ROR1: variants seen among roughly 807,000 people sequenced by gnomAD.
The protein encoded by ROR1 is inactive tyrosine-protein kinase transmembrane receptor ROR1.
Under a neutral mutation model 78.8 loss-of-function variants are expected in ROR1, and 19 were observed. The observed-to-expected ratio is 0.24, with a 90% CI of 0.17 to 0.35. The LOEUF is 0.35. Ranked by LOEUF, ROR1 falls within the 10% of genes least tolerant of loss-of-function variation. ROR1 has a pLI of 1.00. For missense variants in ROR1, 917 were observed against 1,177.8 expected, an observed-to-expected ratio of 0.78 and a Z score of 3.24; for synonymous variants, 386 against 433.6, an observed-to-expected ratio of 0.89 and a Z score of 1.36.
chr1:63,812,687 A>C (rs544460263), intron 1 of ROR1, among the ~76,000 whole-genome samples: 1 of 152,348 alleles, frequency 6.6e-6, no homozygotes, highest in African/African-American at 2.4e-5. Context: ...ATTATTTCCC[A>C]TAATATAACT....
chr1:64,072,367 A>G (rs1278271548), intron 4 of ROR1, among the ~76,000 whole-genome samples: 1 of 152,134 alleles, frequency 6.6e-6, no homozygotes, highest in Non-Finnish European at 1.5e-5. Context: ...AGAGGAAAGA[A>G]GAACTCTGGT....
chr1:63,888,999 G>A (rs1217805742), intron 1 of ROR1, among the ~76,000 whole-genome samples: 3 of 152,104 alleles, frequency 2.0e-5, no homozygotes, highest in Non-Finnish European at 2.9e-5. Flanking sequence ...TGAGATTGCC[G>A]TCATGCTGTC....
rs187106325 is a variant in ROR1, at chr1:63,991,036, A to G, written c.92-18269A>G. ...TGGGTTCAAGTGATCCTCCTGCCTC[A>G]GGCTCCTGAATAGCTTGGACCACAG... On this transcript the variant is annotated intron_variant, in intron 1 of 8. Transcript: ENST00000371079. Among the ~76,000 whole-genome samples the G allele has an allele frequency of 4.6e-5, 7 of 152,314 alleles. No individual in the cohort carries two copies. The East Asian group carries it at 1.3e-3, about 29-fold the overall frequency.
intron 1 of ROR1, among the ~76,000 whole-genome samples, chr1:63,983,342 C>G (rs973886017): frequency 3.9e-5 from 6 of 152,244 alleles, no homozygotes; most frequent in African/African-American, 1.4e-4. Flanking sequence ...AGCAAGTCCT[C>G]TGCCCTGGAT....
At chr1:63,874,556 T>A (rs1356794078) in intron 1 of ROR1, among the ~76,000 whole-genome samples, 1 of 152,128 alleles carries the variant, frequency 6.6e-6, no homozygotes, top group Non-Finnish European at 1.5e-5. Flanking sequence ...GGGAAAAGAA[T>A]TTCATTGATG....
intron 1 of ROR1, among the ~76,000 whole-genome samples, chr1:63,912,360 C>A (rs1445602656): frequency 2.0e-5 from 3 of 151,134 alleles, no homozygotes; most frequent in Non-Finnish European, 4.4e-5. Flanking sequence ...GGGTTTCATA[C>A]TCTATTGAGG....
rs376337301 is a variant in ROR1 at position 64,178,603 on chromosome 1, G to C, written c.2562G>C (p.Arg854=). The C allele has an allele frequency of 1.1e-5, 17 of 1,614,132 alleles. No homozygotes were observed. In the African/African-American group the frequency reaches 2.3e-4, roughly 22 times the overall value. The change falls in exon 9 of 9, where the codon CGG becomes CGC. Residue 854 remains arginine (R), a synonymous_variant. Coordinates refer to ENST00000371079, the MANE Select transcript of ROR1 (RefSeq NM_005012.4). The surrounding 1 kb of genome is among the most constrained non-coding windows in gnomAD (Gnocchi z 4.3). The part of the protein sequence containing the change: ...VIQHCPPPKS[R]SPSSASGSTS... Reference sequence around the variant, plus strand: ...AGCACTGCCCACCTCCCAAGAGTCGGTCCCCAAGCAGTGCCAGTGGGTCGA... The same window carrying C: ...AGCACTGCCCACCTCCCAAGAGTCGCTCCCCAAGCAGTGCCAGTGGGTCGA...
At chr1:63,917,728 G>A (rs747649673) in intron 1 of ROR1, among the ~76,000 whole-genome samples, 2 of 152,202 alleles carry the variant, frequency 1.3e-5, no homozygotes, top group Non-Finnish European at 2.9e-5. Context: ...CACGTGGGGA[G>A]AGCCCTGGCC....
At chr1:64,060,792 G>T (rs933457723) in intron 4 of ROR1, among the ~76,000 whole-genome samples, 1 of 152,192 alleles carries the variant, frequency 6.6e-6, no homozygotes, top group African/African-American at 2.4e-5. Context: ...GGAGAGATTA[G>T]ATAAGAAGGA....
chr1:63,976,037 T>G (rs754515633), intron 1 of ROR1, among the ~76,000 whole-genome samples: 2 of 152,222 alleles, frequency 1.3e-5, no homozygotes, highest in African/African-American at 2.4e-5. Flanking sequence ...AAACAAAGTC[T>G]ATGGTAGAGC....
chr1:63,905,306 T>A (rs1228325786), intron 1 of ROR1, among the ~76,000 whole-genome samples: 4 of 152,186 alleles, frequency 2.6e-5, no homozygotes, highest in Admixed American at 2.6e-4. Context: ...TACTCAGGGA[T>A]TTAAAGGTAT....
chr1:63,921,955 AG>A (rs1305409831), intron 1 of ROR1, among the ~76,000 whole-genome samples: 1 of 152,164 alleles, frequency 6.6e-6, no homozygotes, highest in Non-Finnish European at 1.5e-5. Context: ...GGCAGGAAAG[AG>A]GGGGTATCTC....
chr1:63,790,889 T>C (rs1644722271), intron 1 of ROR1, among the ~76,000 whole-genome samples: 1 of 152,214 alleles, frequency 6.6e-6, no homozygotes, highest in Admixed American at 6.5e-5. Flanking sequence ...GCCATCTGGA[T>C]GCAAAGATGG....
intron 4 of ROR1, among the ~76,000 whole-genome samples, chr1:64,052,994 T>A (rs1248226436): frequency 6.6e-6 from 1 of 152,104 alleles, no homozygotes; most frequent in African/African-American, 2.4e-5. Flanking sequence ...GGAGTAGCCC[T>A]CAATAGGCAG....
chr1:64,134,842 G>A (rs1649046577), intron 4 of ROR1, among the ~76,000 whole-genome samples: 1 of 149,822 alleles, frequency 6.7e-6, no homozygotes, highest in Admixed American at 6.7e-5. Flanking sequence ...TCCACCTCCT[G>A]GGTTCAAGTG....
chr1:63,834,003 T>TG (rs1214523161), intron 1 of ROR1, among the ~76,000 whole-genome samples: 2 of 151,334 alleles, frequency 1.3e-5, no homozygotes, highest in African/African-American at 4.9e-5. Flanking sequence ...TTTTTTTTTT[T>TG]TTTGTTTGTT....
chr1:63,844,119 T>G (rs573542257), intron 1 of ROR1, among the ~76,000 whole-genome samples: 2 of 152,278 alleles, frequency 1.3e-5, no homozygotes, highest in Admixed American at 1.3e-4. Flanking sequence ...ATTGCTAACA[T>G]TAGGATGATA....
chr1:63,923,215 T>A (rs770272435), intron 1 of ROR1, among the ~76,000 whole-genome samples: 1 of 152,142 alleles, frequency 6.6e-6, no homozygotes, highest in Non-Finnish European at 1.5e-5. Context: ...GAGTGCTGGG[T>A]TCCCCCCCAA....
intron 1 of ROR1, among the ~76,000 whole-genome samples, chr1:63,968,196 G>T (rs1646091307): frequency 6.6e-6 from 1 of 152,112 alleles, no homozygotes; most frequent in African/African-American, 2.4e-5. Context: ...CTGGAATGTA[G>T]ATAACGATTT....
Sources: allele counts gnomAD v4.1 joint callset (sites outside exome capture counted in the v4.1 genomes callset), GRCh38; gene constraint gnomAD v4.1.1; non-coding constraint Gnocchi (gnomAD v3.1); transcripts MANE v1.5; gene names NCBI Gene and HGNC (gene_info 2026-07-23, HGNC 2026-07-21).